The following MTERF4 variants were observed in gnomAD, a reference collection of about 807,000 sequenced individuals.
The protein encoded by MTERF4 is mitochondrial transcription termination factor 4.
In MTERF4, 17 loss-of-function variants were observed where a neutral mutation model predicts 22.5. That is an observed-to-expected ratio of 0.75 (90% CI 0.52 to 1.13). The LOEUF (loss-of-function observed/expected upper bound fraction) is 1.13. Among genes scored for constraint, MTERF4 ranks in the 50% most tolerant of loss-of-function variants. The pLI, the probability that MTERF4 is intolerant of heterozygous loss-of-function variation, is 0.00. For synonymous variants in MTERF4, 165 were observed against 175.3 expected, an observed-to-expected ratio of 0.94 and a Z score of 0.47; for missense variants, 420 against 466.8, an observed-to-expected ratio of 0.90 and a Z score of 0.92.
At chr2:241,061,976 T>G in the MTERF4 span, among the ~76,000 whole-genome samples, 1 of 152,152 alleles carries the variant, frequency 6.6e-6, no homozygotes, top group African/African-American at 2.4e-5. Flanking sequence ...TATTCAGCAG[T>G]GAAAATCTAT....
chr2:241,068,982 C>A, downstream of MTERF4: 1 of 1,556,186 alleles, frequency 6.4e-7, no homozygotes, highest in Non-Finnish European at 8.7e-7. This position sits in a 1 kb window ranked among gnomAD's most constrained non-coding sequence, Gnocchi z 5.3. Context: ...GAGGAGCACC[C>A]CACAGAGAGC....
chr2:241,098,336 A>G lies in MTERF4; in HGVS notation c.521-909T>C, dbSNP rs942199832. On this transcript the variant is annotated intron_variant, in intron 2 of 3. Coordinates refer to ENST00000391980, the MANE Select transcript of MTERF4 (RefSeq NM_182501.4). The stretch of plus-strand genomic sequence containing the variant: ...GCTACCTTTTTCTTATCTTCTAGAG[A>G]AGGAGGCCTGTAGAGATGCTGTGAA... Among the ~76,000 whole-genome samples, 6 of 152,214 alleles carry G rather than the reference A, an allele frequency of 3.9e-5. 1 individual carries two copies. Among genetic ancestry groups the G allele is most frequent in the South Asian group, 4.1e-4 (2 of 4,836 alleles).
At chr2:241,093,123 C>T (rs1411954554), downstream of MTERF4, 1 of 152,568 alleles carries the variant, frequency 6.6e-6, no homozygotes, top group Non-Finnish European at 1.5e-5. Flanking sequence ...ACAGGCAATT[C>T]GCGAAGTTTC....
At chr2:241,092,606 C>T (rs948877923), downstream of MTERF4, 2 of 152,222 alleles carry the variant, frequency 1.3e-5, no homozygotes, top group South Asian at 2.1e-4. The surrounding 1 kb of genome is among the most constrained non-coding windows in gnomAD (Gnocchi z 4.6). Context: ...GCTTGGAAAG[C>T]TAAGGCACAC....
the MTERF4 span, chr2:241,065,657 C>A: frequency 7.0e-7 from 1 of 1,437,910 alleles, no homozygotes; most frequent in South Asian, 1.2e-5. Flanking sequence ...CAGCGCTGGC[C>A]CCGGCACCTG....
At chr2:241,097,075 G>A (rs941285422) in intron 3 of MTERF4, 168 bp downstream of exon 3, 36 of 711,848 alleles carry the variant, frequency 5.1e-5, no homozygotes, top group African/African-American at 1.3e-4. Context: ...TGAGGTGTCC[G>A]AGGCTTCTTA....
chr2:241,087,766 T>C, downstream of MTERF4: 1 of 1,148,190 alleles, frequency 8.7e-7, no homozygotes, highest in Non-Finnish European at 1.1e-6. Flanking sequence ...GCACAGGGTG[T>C]TACGGACAGC....
chr2:241,073,893 G>A lies in MTERF4; in HGVS notation n.2269C>T, dbSNP rs147241068. The A allele has an allele frequency of 2.1e-4, 36 of 167,840 alleles. No individual in the cohort carries two copies. Among genetic ancestry groups the A allele is most frequent in the African/African-American group, 7.6e-4 (32 of 42,128 alleles). 10.4% of individuals were successfully genotyped at this position (167,840 alleles called of 1,614,324 possible). On this transcript the variant is annotated non_coding_transcript_exon_variant, in exon 5 of 5. Coordinates refer to the MTERF4 transcript ENST00000464344. The surrounding 1 kb of genome is among the most constrained non-coding windows in gnomAD (Gnocchi z 6.6). ...ATCGAGGCCAGCACGTCCCTGCAGG[G>A]CACCAAGCATCTGCTGAGCACCTGC...
At chr2:241,067,961 C>A (rs1321809130), downstream of MTERF4, 14 of 1,600,110 alleles carry the variant, frequency 8.7e-6, no homozygotes, top group Admixed American at 1.7e-5. Context: ...AGAAGGGACA[C>A]CCAGAGCATG....
the MTERF4 span, chr2:241,064,982 G>A: frequency 1.3e-6 from 2 of 1,528,920 alleles, no homozygotes; most frequent in Non-Finnish European, 1.8e-6. The surrounding 1 kb of genome is among the most constrained non-coding windows in gnomAD (Gnocchi z 7.0). Context: ...CGCCTCCAGT[G>A]AGGGAGCCAC....
downstream of MTERF4, chr2:241,094,341 C>T (rs949972814): frequency 6.4e-6 from 3 of 470,652 alleles, no homozygotes; most frequent in Non-Finnish European, 1.3e-5. This position sits in a 1 kb window ranked among gnomAD's most constrained non-coding sequence, Gnocchi z 4.3. Flanking sequence ...CCATCTGACT[C>T]AACTGTGGCG....
the MTERF4 span, chr2:241,051,642 C>T: frequency 3.6e-5 from 34 of 952,104 alleles, no homozygotes; most frequent in Non-Finnish European, 4.6e-5. This position sits in a 1 kb window ranked among gnomAD's most constrained non-coding sequence, Gnocchi z 4.7. Flanking sequence ...TCGAGAAGGC[C>T]CCACCAGCAC....
At chr2:241,101,181 G>A (rs1330032849) in intron 1 of MTERF4, 1 of 466,528 alleles carries the variant, frequency 2.1e-6, no homozygotes, top group African/African-American at 2.0e-5. Flanking sequence ...TAGAATCACT[G>A]GGAGCCCTGA....
At chr2:241,099,072 A>C in intron 2 of MTERF4, 1 of 230,264 alleles carries the variant, frequency 4.3e-6, no homozygotes. Context: ...CTGTCACACT[A>C]TATAAAATCT....
the MTERF4 span, among the ~76,000 whole-genome samples, chr2:241,066,563 G>T: frequency 1.3e-5 from 2 of 152,104 alleles, no homozygotes; most frequent in East Asian, 3.9e-4. Flanking sequence ...TGGGGAAGGG[G>T]TGCTAGAGGC....
chr2:241,057,412 T>TGC, the MTERF4 span, among the ~76,000 whole-genome samples: 1,174 of 129,366 alleles, frequency 9.1e-3, 25 homozygotes, highest in African/African-American at 0.033. Context: ...TATATATATA[T>TGC]GCCATACGCA....
At chr2:241,083,862 C>T (rs1156892830), downstream of MTERF4, among the ~76,000 whole-genome samples, 7 of 151,870 alleles carry the variant, frequency 4.6e-5, no homozygotes, top group African/African-American at 1.7e-4. Flanking sequence ...TACTACCTTC[C>T]ACATAATGGC....
downstream of MTERF4, chr2:241,087,376 T>C: frequency 6.3e-7 from 1 of 1,583,018 alleles, no homozygotes; most frequent in Non-Finnish European, 8.6e-7. Flanking sequence ...TTTACAAAGC[T>C]TTCTTGTGAC....
At chr2:241,060,938 AC>A in the MTERF4 span, among the ~76,000 whole-genome samples, 4 of 152,270 alleles carry the variant, frequency 2.6e-5, no homozygotes, top group East Asian at 1.9e-4. Context: ...TCAAAAAAAA[AC>A]AACCAAAAAA....
Sources: gnomAD v4.1 joint callset for allele counts (sites outside exome capture counted in the v4.1 genomes callset) on GRCh38, gnomAD v4.1.1 for gene constraint, Gnocchi (gnomAD v3.1) non-coding constraint, MANE v1.5 for transcripts, NCBI Gene and HGNC (gene_info 2026-07-23, HGNC 2026-07-21) for gene names.